WWC1: variants seen among roughly 807,000 people sequenced by gnomAD.
The protein encoded by WWC1 is protein KIBRA.
WWC1 carries 55 observed loss-of-function variants against 138.4 expected under a neutral mutation model. The ratio of observed to expected loss-of-function variants is 0.40; its 90% CI spans 0.32 to 0.50. WWC1 has a LOEUF of 0.50. Among genes scored for constraint, WWC1 ranks in the 20% least tolerant of loss-of-function variants. WWC1 has a pLI of 0.72. For synonymous variants in WWC1, 524 were observed against 564.9 expected (o/e 0.93, Z 1.03); for missense variants, 1,226 against 1,420.4 (o/e 0.86, Z 2.20).
rs574984639 is a variant in WWC1, at chr5:168,384,549, A to C, written c.230-662A>C. 1.5e-3 allele frequency among the ~76,000 whole-genome samples: 230 copies of C among 152,118 alleles called. 1 individual carries two copies. Among genetic ancestry groups the C allele is most frequent in the African/African-American group, 5.3e-3 (221 of 41,478 alleles). On this transcript the variant is annotated intron_variant, in intron 2 of 22. Coordinates refer to ENST00000265293, the MANE Select transcript of WWC1 (RefSeq NM_015238.3). Reference sequence around the variant, plus strand: ...GGTACCTATTTCTCCACATCCTCTGAGACATTAGTTATTTTTCTTTCCTTT... The same window carrying C: ...GGTACCTATTTCTCCACATCCTCTGCGACATTAGTTATTTTTCTTTCCTTT...
chr5:168,466,620 T>C (rs1452591479), intron 21 of WWC1, among the ~76,000 whole-genome samples: 1 of 152,244 alleles, frequency 6.6e-6, no homozygotes, highest in Non-Finnish European at 1.5e-5. Context: ...TTTATTTCTT[T>C]CTTATTTATA....
intron 1 of WWC1, among the ~76,000 whole-genome samples, chr5:168,324,549 T>G (rs1772380043): frequency 6.6e-6 from 1 of 152,186 alleles, no homozygotes; most frequent in Non-Finnish European, 1.5e-5. Flanking sequence ...ATTTCTTCAT[T>G]TCTTTAAAAG....
chr5:168,356,031 G>C (rs1251874671), intron 1 of WWC1, among the ~76,000 whole-genome samples: 2 of 152,166 alleles, frequency 1.3e-5, no homozygotes, highest in African/African-American at 2.4e-5. Flanking sequence ...AAAGCCCCAG[G>C]TGAAGGTTCA....
In WWC1 at chr5:168,371,404, T is replaced by C. The variant is rs1281872933; in HGVS notation, c.120-20T>C. The C allele has an allele frequency of 1.9e-6, 3 of 1,598,844 alleles. No individual in the cohort carries two copies. Among genetic ancestry groups the C allele is most frequent in the African/African-American group, 1.3e-5 (1 of 74,610 alleles). On this transcript the variant is annotated intron_variant, in intron 1 of 22. Coordinates refer to ENST00000265293, the MANE Select transcript of WWC1 (RefSeq NM_015238.3). ...GGGGACTGTAGGCTGATGGAGTCTG[T>C]TTCTCCTCTCCCTTGCCAGGTACAC...
At chr5:168,467,782 CCTT>C in intron 21 of WWC1, 55 bp from the exon 22 acceptor site, 1 of 1,611,482 alleles carries the variant, frequency 6.2e-7, no homozygotes, top group Non-Finnish European at 8.5e-7. Context: ...AGCGAGTTCT[CCTT>C]GCCCCTTTCT....
chr5:168,347,172 G>C (rs893748882), intron 1 of WWC1, among the ~76,000 whole-genome samples: 1 of 152,196 alleles, frequency 6.6e-6, no homozygotes, highest in African/African-American at 2.4e-5. Context: ...GTCCTCCTCA[G>C]AGGCTAAAGC....
At chr5:168,421,780 G>C (rs1033163534) in intron 9 of WWC1, among the ~76,000 whole-genome samples, 1 of 152,158 alleles carries the variant, frequency 6.6e-6, no homozygotes, top group African/African-American at 2.4e-5. Context: ...CTGAATTAAG[G>C]CAGTGTCCTA....
Position 168,422,064 on chromosome 5 carries a change from G to C in WWC1, c.1241G>C (p.Arg414Pro). 6.2e-7 allele frequency: 1 copy of C among 1,612,802 alleles called. No individual in the cohort carries two copies. The highest frequency in any genetic ancestry group is 8.5e-7 in the Non-Finnish European group (1 of 1,179,256). ...GTGAGAGAACTGGAGGAAGCCACCC[G>C]GCAGGTGGCAACTCTGCACTCCCAG... ...QLVRELEEAT[R>P]QVATLHSQLK... is the part of the protein sequence containing the mutation. Residue 414 changes from arginine (R) to proline (P), a missense_variant, in exon 10 of 23, where the codon CGG becomes CCG. Around this residue, in one of 3 missense-constraint regions of WWC1, gnomAD observed 1,016 missense variants for 1,153.9 expected, o/e 0.88. Coordinates refer to ENST00000265293, the MANE Select transcript of WWC1 (RefSeq NM_015238.3).
intron 17 of WWC1, among the ~76,000 whole-genome samples, chr5:168,445,835 C>T (rs752408340): frequency 2.0e-5 from 3 of 152,064 alleles, no homozygotes; most frequent in African/African-American, 4.8e-5. Flanking sequence ...CCTCCATCAC[C>T]GAGGCTGCTT....
intron 3 of WWC1, among the ~76,000 whole-genome samples, chr5:168,395,015 C>T (rs114424512): frequency 0.013 from 2,032 of 152,334 alleles, 53 homozygotes; most frequent in African/African-American, 0.045. Flanking sequence ...AGAATTAAAG[C>T]TCCTGGTGGC....
intron 1 of WWC1, among the ~76,000 whole-genome samples, chr5:168,333,272 C>T (rs1447858254): frequency 2.0e-5 from 3 of 152,230 alleles, no homozygotes; most frequent in Admixed American, 6.5e-5. Context: ...TCCTCTCCTT[C>T]CTCAAGTATT....
chr5:168,342,914 A>G (rs560867582), intron 1 of WWC1, among the ~76,000 whole-genome samples: 1 of 152,290 alleles, frequency 6.6e-6, no homozygotes, highest in South Asian at 2.1e-4. Context: ...CCAAGTGCCC[A>G]CCACCAAGTA....
chr5:168,454,312 C>T (rs997821633), intron 18 of WWC1, among the ~76,000 whole-genome samples: 12 of 152,180 alleles, frequency 7.9e-5, no homozygotes, highest in African/African-American at 2.9e-4. Flanking sequence ...CTGCATTTTC[C>T]ATGACTTCTC....
At chr5:168,371,997 TGCATATATGTCCATAGTGAATTG>T (rs2152807861) in intron 2 of WWC1, among the ~76,000 whole-genome samples, 1 of 151,892 alleles carries the variant, frequency 6.6e-6, no homozygotes, top group East Asian at 1.9e-4. Context: ...ACAGCATGTA[TGCATATATGTCCATAGTGAATTG>T]GCGAGAGAGA....
At chr5:168,449,598 A>G (rs1345588164) in intron 17 of WWC1, among the ~76,000 whole-genome samples, 1 of 115,960 alleles carries the variant, frequency 8.6e-6, no homozygotes, top group Non-Finnish European at 1.7e-5. Flanking sequence ...TTTTTGAGAC[A>G]GTTTCACTCT....
chr5:168,456,728 T>C (rs1328788995), intron 19 of WWC1, among the ~76,000 whole-genome samples: 1 of 148,692 alleles, frequency 6.7e-6, no homozygotes, highest in Non-Finnish European at 1.5e-5. Flanking sequence ...ATTACTGCCA[T>C]TATGAACGTG....
At chr5:168,333,946 G>A (rs1773240124) in intron 1 of WWC1, among the ~76,000 whole-genome samples, 1 of 149,984 alleles carries the variant, frequency 6.7e-6, no homozygotes, top group South Asian at 2.1e-4. Flanking sequence ...TGGCAAGGGG[G>A]CTCATGCCTA....
intron 1 of WWC1, among the ~76,000 whole-genome samples, chr5:168,353,314 C>T (rs1030630213): frequency 6.6e-6 from 1 of 152,238 alleles, no homozygotes; most frequent in Non-Finnish European, 1.5e-5. Flanking sequence ...CTGGCTCTTC[C>T]TTCCAGACTT....
At chr5:168,303,468 G>C (rs1770274178) in intron 1 of WWC1, among the ~76,000 whole-genome samples, 1 of 152,066 alleles carries the variant, frequency 6.6e-6, no homozygotes, top group Non-Finnish European at 1.5e-5. Context: ...AATGAGCTGG[G>C]CATGGTGGTC....
Sources: allele counts gnomAD v4.1 joint callset (sites outside exome capture counted in the v4.1 genomes callset), GRCh38; gene constraint gnomAD v4.1.1; regional missense constraint gnomAD v4.1.1; transcripts MANE v1.5; gene names NCBI Gene and HGNC (gene_info 2026-07-23, HGNC 2026-07-21).